DNAH7: variants seen among roughly 807,000 people sequenced by gnomAD.
The protein encoded by DNAH7 is dynein axonemal heavy chain 7.
DNAH7 carries 397 observed loss-of-function variants against 444.6 expected under a neutral mutation model. The observed-to-expected ratio is 0.89, with a 90% CI of 0.82 to 0.97. The LOEUF (loss-of-function observed/expected upper bound fraction) is 0.97, where lower values mean the gene tolerates loss of function less well. Among genes scored for constraint, DNAH7 ranks in the 50% least tolerant of loss-of-function variants. The pLI is 0.00. For synonymous variants in DNAH7, 1,636 were observed against 1,624.4 expected, an observed-to-expected ratio of 1.01 and a Z score of -0.17; for missense variants, 4,902 against 4,800.8, an observed-to-expected ratio of 1.02 and a Z score of -0.62.
At chr2:195,931,555 G>T (rs1347437820) in intron 21 of DNAH7, among the ~76,000 whole-genome samples, 1 of 151,436 alleles carries the variant, frequency 6.6e-6, no homozygotes, top group Non-Finnish European at 1.5e-5. Context: ...TATGGTTTTA[G>T]GTCTAACATT....
intron 21 of DNAH7, among the ~76,000 whole-genome samples, chr2:195,927,191 T>G (rs1688389348): frequency 6.6e-6 from 1 of 152,220 alleles, no homozygotes; most frequent in African/African-American, 2.4e-5. Flanking sequence ...TTCGGTGGAC[T>G]GATACATCTA....
rs187578613 is a variant in DNAH7 at position 195,995,366 on chromosome 2, C to T, written c.1353+5338G>A. 136 of 518,272 alleles carry T rather than the reference C, an allele frequency of 2.6e-4. 1 individual carries two copies. The East Asian group carries it at 2.9e-3, about 11-fold the overall frequency. 32.1% of individuals were successfully genotyped at this position (518,272 alleles called of 1,614,324 possible). A position where few individuals can be genotyped will look rare whatever the true frequency, so the allele number is the denominator to read the frequency against. On this transcript the variant is annotated intron_variant, in intron 12 of 64. Coordinates refer to ENST00000312428, the MANE Select transcript of DNAH7 (RefSeq NM_018897.3). The stretch of plus-strand genomic sequence containing the variant: ...GAGACTGGCTCAGGAGCTGAATGAA[C>T]TTCTTGGTGAGCACACCAAGGGATG...
intron 21 of DNAH7, among the ~76,000 whole-genome samples, chr2:195,930,753 T>C (rs1171228704): frequency 1.3e-5 from 2 of 152,180 alleles, no homozygotes; most frequent in Non-Finnish European, 1.5e-5. Flanking sequence ...GTATTCACAA[T>C]AGCAAAGACA....
intron 31 of DNAH7, 71 bp from the exon 32 acceptor site, chr2:195,889,052 T>A: frequency 1.4e-6 from 2 of 1,411,374 alleles, no homozygotes; most frequent in Non-Finnish European, 1.9e-6. Flanking sequence ...TTCAATAATA[T>A]TATTTCAAAA....
intron 63 of DNAH7, among the ~76,000 whole-genome samples, chr2:195,748,992 A>T (rs1693613630): frequency 6.6e-6 from 1 of 152,156 alleles, no homozygotes; most frequent in Admixed American, 6.5e-5. Flanking sequence ...AATGGGATCT[A>T]ATTAAACTAA....
chr2:195,777,425 C>T (rs557856943), intron 59 of DNAH7, among the ~76,000 whole-genome samples: 1 of 152,170 alleles, frequency 6.6e-6, no homozygotes, highest in Non-Finnish European at 1.5e-5. Context: ...TAATTACTTG[C>T]AACTGACTTC....
intron 15 of DNAH7, among the ~76,000 whole-genome samples, 195 bp downstream of exon 15, chr2:195,984,436 CT>C (rs1442453986): frequency 2.0e-5 from 3 of 152,236 alleles, no homozygotes; most frequent in Non-Finnish European, 4.4e-5. Flanking sequence ...CAACCTCTGC[CT>C]CCCGGGTTCA....
chr2:195,755,747 T>C (rs995272177), intron 62 of DNAH7, among the ~76,000 whole-genome samples: 3 of 152,206 alleles, frequency 2.0e-5, no homozygotes, highest in Admixed American at 1.3e-4. Context: ...CCAAGACAAT[T>C]AGCCATTGAG....
chr2:195,948,752 T>C (rs1690003815), intron 19 of DNAH7, among the ~76,000 whole-genome samples: 1 of 152,328 alleles, frequency 6.6e-6, no homozygotes, highest in Admixed American at 6.5e-5. Context: ...TTCTTTTTGC[T>C]TAGGATTGTC....
At chr2:196,056,754 C>T (rs1234862991) in intron 2 of DNAH7, among the ~76,000 whole-genome samples, 1 of 152,198 alleles carries the variant, frequency 6.6e-6, no homozygotes, top group African/African-American at 2.4e-5. Flanking sequence ...TTTTACTCTC[C>T]TCAGTCTCTT....
intron 13 of DNAH7, 29 bp from the exon 14 acceptor site, chr2:195,987,222 T>G: frequency 6.8e-7 from 1 of 1,475,912 alleles, no homozygotes; most frequent in East Asian, 2.4e-5. Flanking sequence ...TTAATCAACA[T>G]AAGAAGAAAT....
Position 195,922,209 on chromosome 2 carries a change from C to T in DNAH7, c.3826-12G>A, listed in dbSNP as rs754721680. The T allele has an allele frequency of 1.4e-6, 2 of 1,471,816 alleles. No homozygotes were observed. The highest frequency in any genetic ancestry group is 2.3e-5 in the South Asian group (2 of 86,968). 91.2% of individuals were successfully genotyped at this position (1,471,816 alleles called of 1,614,324 possible). ...TCTAAATGATTTTCCTAGGATAAAT[C>T]AAATAAAATGAAGTTAAACAATAAA... On this transcript the variant is annotated splice_polypyrimidine_tract_variant and intron_variant, in intron 23 of 64. Transcript: ENST00000312428.
chr2:195,995,391 G>A, intron 12 of DNAH7: 2 of 500,016 alleles, frequency 4.0e-6, no homozygotes. Context: ...ACCAAGGGAT[G>A]TATCATATGG....
intron 22 of DNAH7, among the ~76,000 whole-genome samples, chr2:195,924,518 T>C (rs185066692): frequency 1.3e-5 from 2 of 150,542 alleles, no homozygotes; most frequent in Admixed American, 1.3e-4. Flanking sequence ...AGCTTGAAAC[T>C]GGGAGGTGGA....
intron 1 of DNAH7, among the ~76,000 whole-genome samples, chr2:196,061,432 T>C (rs1320645705): frequency 6.6e-6 from 1 of 152,192 alleles, no homozygotes; most frequent in Non-Finnish European, 1.5e-5. Context: ...GTGTCCAAAA[T>C]ATTGTTTGAT....
intron 54 of DNAH7, among the ~76,000 whole-genome samples, chr2:195,799,814 A>G (rs1340069629): frequency 2.6e-5 from 4 of 152,190 alleles, no homozygotes; most frequent in Non-Finnish European, 5.9e-5. Flanking sequence ...CACAACTCAA[A>G]AGTAGAAATT....
At chr2:195,948,515 G>A (rs1439671628) in intron 19 of DNAH7, among the ~76,000 whole-genome samples, 1 of 152,174 alleles carries the variant, frequency 6.6e-6, no homozygotes, top group Non-Finnish European at 1.5e-5. Flanking sequence ...CCTATGGCTA[G>A]CCAGTTTTCC....
rs149576748 is a variant in DNAH7, at chr2:196,052,617, C to G, written c.79-1368G>C. Among the ~76,000 whole-genome samples, 1,195 of 152,232 alleles carry G rather than the reference C, an allele frequency of 7.8e-3. 6 individuals carry two copies. Among genetic ancestry groups the G allele is most frequent in the Admixed American group, 0.012 (189 of 15,296 alleles). On this transcript the variant is annotated intron_variant, in intron 2 of 64. Coordinates refer to ENST00000312428, the MANE Select transcript of DNAH7 (RefSeq NM_018897.3). ...TGTTGTACCACTTTTATGCCTATTACGTAGATAAGAAATCATGTAGTCTCT... is the reference window on the plus strand; with the variant it reads ...TGTTGTACCACTTTTATGCCTATTAGGTAGATAAGAAATCATGTAGTCTCT...
At chr2:195,999,098 G>A (rs1368464110) in intron 12 of DNAH7, 1 of 717,114 alleles carries the variant, frequency 1.4e-6, no homozygotes, top group East Asian at 2.7e-5. Flanking sequence ...AGTCATAATT[G>A]GCATCTCCAT....
Sources: gnomAD v4.1 joint callset for allele counts (sites outside exome capture counted in the v4.1 genomes callset) on GRCh38, gnomAD v4.1.1 for gene constraint, MANE v1.5 for transcripts, NCBI Gene and HGNC (gene_info 2026-07-23, HGNC 2026-07-21) for gene names.